CLEC5A: variants seen among roughly 807,000 people sequenced by gnomAD.
CLEC5A encodes C-type lectin domain family 5 member A.
CLEC5A carries 15 observed loss-of-function variants against 24.4 expected under a neutral mutation model. The observed-to-expected ratio is 0.62, with a 90% confidence interval of 0.41 to 0.95. The LOEUF is 0.95. Among genes scored for constraint, CLEC5A ranks in the 40% least tolerant of loss-of-function variants. The probability of loss-of-function intolerance (pLI) is 0.00; values close to 1 mark genes in which losing one functional copy is unlikely to be tolerated. For missense variants in CLEC5A, 211 were observed against 224.0 expected, an observed-to-expected ratio of 0.94 and a Z score of 0.37; for synonymous variants, 71 against 72.6, an observed-to-expected ratio of 0.98 and a Z score of 0.11.
chr7:141,931,901 ATCTG>A, intron 5 of CLEC5A, 75 bp from the exon 6 acceptor site: 1 of 675,944 alleles, frequency 1.5e-6, no homozygotes, highest in Non-Finnish European at 2.6e-6. Flanking sequence ...CCATGATTAT[ATCTG>A]ATCCTGGGAA....
chr7:141,935,648 A>G (rs1245691209), intron 5 of CLEC5A, among the ~76,000 whole-genome samples, 166 bp downstream of exon 5: 1 of 152,190 alleles, frequency 6.6e-6, no homozygotes, highest in Non-Finnish European at 1.5e-5. Flanking sequence ...GCTACTAAGA[A>G]GAATCTCCTA....
chr7:141,936,877 A>G (rs1486331838), intron 4 of CLEC5A, among the ~76,000 whole-genome samples: 1 of 152,006 alleles, frequency 6.6e-6, no homozygotes, highest in African/African-American at 2.4e-5. Flanking sequence ...AGAATAGGGC[A>G]CTAGTCAGAG....
chr7:141,929,893 A>C lies in CLEC5A; in HGVS notation c.*211T>G, dbSNP rs946997423. 1.3e-4 allele frequency: 70 copies of C among 542,984 alleles called. No individual in the cohort carries two copies. Among genetic ancestry groups the C allele is most frequent in the Non-Finnish European group, 2.2e-4 (67 of 303,208 alleles). 33.6% of individuals were successfully genotyped at this position (542,984 alleles called of 1,614,324 possible). A position where few individuals can be genotyped will look rare whatever the true frequency, so the allele number is the denominator to read the frequency against. The stretch of plus-strand genomic sequence containing the variant: ...TACTACAGAAGCGGACCTCATCTCT[A>C]TACTAACTGAGTTGTTTCCGTAAAA... On this transcript the variant is annotated 3_prime_UTR_variant, in exon 7 of 7. Transcript: ENST00000546910.
At chr7:141,930,449 C>A (rs979670572) in intron 6 of CLEC5A, among the ~76,000 whole-genome samples, 25 of 152,212 alleles carry the variant, frequency 1.6e-4, no homozygotes, top group African/African-American at 6.0e-4. Flanking sequence ...TAAACCCACC[C>A]TTTCCTGTCA....
chr7:141,935,971 A>C, intron 4 of CLEC5A, 21 bp from the exon 5 acceptor site: 1 of 1,607,904 alleles, frequency 6.2e-7, no homozygotes, highest in South Asian at 1.1e-5. Context: ...CCAAGAAAGG[A>C]GAGTACGAGT....
intron 6 of CLEC5A, among the ~76,000 whole-genome samples, chr7:141,930,632 C>A (rs1802431686): frequency 6.6e-6 from 1 of 152,184 alleles, no homozygotes; most frequent in Admixed American, 6.5e-5. Flanking sequence ...GCATCCCTTT[C>A]CAGACCATAG....
Position 141,930,227 on chromosome 7 carries a change from G to GAAAAC in CLEC5A, c.453-14_453-10dup, listed in dbSNP as rs782517317. ...GATTCTGATTGGTAACACTAAATGA[G>GAAAAC]AAAACAAAACAAAACAAAACAAACA... is the stretch of plus-strand genomic sequence containing the variant. On this transcript the variant is annotated splice_polypyrimidine_tract_variant and intron_variant, in intron 6 of 6. Coordinates refer to ENST00000546910, the MANE Select transcript of CLEC5A (RefSeq NM_013252.3). 236 of 1,596,326 alleles carry GAAAAC rather than the reference G, an allele frequency of 1.5e-4. No individual in the cohort carries two copies. The African/African-American group carries it at 1.9e-3, about 13-fold the overall frequency.
chr7:141,944,792 C>T (rs1207498209), intron 3 of CLEC5A, among the ~76,000 whole-genome samples: 2 of 152,160 alleles, frequency 1.3e-5, no homozygotes, highest in African/African-American at 4.8e-5. Flanking sequence ...CGTTTATAGA[C>T]TCTAAGATGT....
intron 4 of CLEC5A, among the ~76,000 whole-genome samples, chr7:141,938,328 A>G (rs1802690030): frequency 6.6e-6 from 1 of 152,192 alleles, no homozygotes; most frequent in Non-Finnish European, 1.5e-5. Flanking sequence ...GATAGAAATA[A>G]TTAAGAAGGA....
At position 141,928,625 on chromosome 7, in the gene CLEC5A, A is replaced by T. The variant is rs1802365336; in HGVS notation, c.*1479T>A. 6.6e-6 allele frequency: 1 copy of T among 152,200 alleles called. No homozygotes were observed. Among genetic ancestry groups the T allele is most frequent in the Non-Finnish European group, 1.5e-5 (1 of 68,034 alleles). 9.4% of individuals were successfully genotyped at this position (152,200 alleles called of 1,614,324 possible). A position where few individuals can be genotyped will look rare whatever the true frequency, so the allele number is the denominator to read the frequency against. On this transcript the variant is annotated 3_prime_UTR_variant, in exon 7 of 7. Transcript: ENST00000546910. ...GTTCTGACACCTGATGTGTTATCTCATGTTAAAAAATTGTAAGTGGCCATG... is the reference window on the plus strand; with the variant it reads ...GTTCTGACACCTGATGTGTTATCTCTTGTTAAAAAATTGTAAGTGGCCATG...
chr7:141,941,977 C>A (rs1802806340), intron 4 of CLEC5A, among the ~76,000 whole-genome samples: 1 of 151,974 alleles, frequency 6.6e-6, no homozygotes, highest in African/African-American at 2.4e-5. Flanking sequence ...TTGGAAGAAT[C>A]AATATTGTTA....
intron 6 of CLEC5A, among the ~76,000 whole-genome samples, chr7:141,930,723 G>T (rs1392833740): frequency 6.6e-6 from 1 of 152,216 alleles, no homozygotes; most frequent in Non-Finnish European, 1.5e-5. Flanking sequence ...CAGTCTGACT[G>T]AAAAGGCTCT....
Position 141,927,744 on chromosome 7 carries a change from T to G in CLEC5A, c.*2360A>C. On this transcript the variant is annotated 3_prime_UTR_variant, in exon 7 of 7. Coordinates refer to ENST00000546910, the MANE Select transcript of CLEC5A (RefSeq NM_013252.3). ...TGCACAAATTTTTATTCCCATATTATAAATGAGTAAACAAGTTCTGAAAAA... is the reference window on the plus strand; with the variant it reads ...TGCACAAATTTTTATTCCCATATTAGAAATGAGTAAACAAGTTCTGAAAAA... The G allele has an allele frequency of 6.6e-6, 1 of 152,202 alleles. No individual in the cohort carries two copies. The highest frequency in any genetic ancestry group is 6.5e-5 in the Admixed American group (1 of 15,280). 9.4% of individuals were successfully genotyped at this position (152,202 alleles called of 1,614,324 possible).
At position 141,933,575 on chromosome 7, in the gene CLEC5A, C is replaced by CATAT. The variant is rs3043785; in HGVS notation, c.346-1753_346-1750dup. Among the ~76,000 whole-genome samples, 999 of 114,990 alleles carry CATAT rather than the reference C, an allele frequency of 8.7e-3. 12 individuals carry two copies. Among genetic ancestry groups the CATAT allele is most frequent in the African/African-American group, 0.013 (311 of 24,008 alleles). 75.4% of individuals were successfully genotyped at this position (114,990 alleles called of 152,430 possible). On this transcript the variant is annotated intron_variant, in intron 5 of 6. Coordinates refer to ENST00000546910, the MANE Select transcript of CLEC5A (RefSeq NM_013252.3). ...TGACTCAGCGAGTTTAGGGAGCAGGCATATATATATATATATATATATATA... is the reference window on the plus strand; with the variant it reads ...TGACTCAGCGAGTTTAGGGAGCAGGCATATATATATATATATATATATATATATA...
chr7:141,944,952 G>A (rs1275011908), intron 3 of CLEC5A, among the ~76,000 whole-genome samples: 1 of 152,138 alleles, frequency 6.6e-6, no homozygotes, highest in East Asian at 1.9e-4. Context: ...TCCTAACGAT[G>A]TCAGTAGTAA....
chr7:141,934,412 A>G (rs1563074155), intron 5 of CLEC5A, among the ~76,000 whole-genome samples: 4 of 152,156 alleles, frequency 2.6e-5, no homozygotes, highest in Non-Finnish European at 4.4e-5. Flanking sequence ...ATGAGTACTC[A>G]CCAGTATTTG....
intron 5 of CLEC5A, among the ~76,000 whole-genome samples, chr7:141,933,695 C>T (rs1363656319): frequency 2.0e-5 from 3 of 150,540 alleles, no homozygotes; most frequent in African/African-American, 7.4e-5. Flanking sequence ...ATTGACCTGC[C>T]GATGCTGTGC....
intron 5 of CLEC5A, 21 bp downstream of exon 5, chr7:141,935,793 G>C (rs1802601188): frequency 1.2e-6 from 2 of 1,612,652 alleles, no homozygotes; most frequent in African/African-American, 1.3e-5. Context: ...TGGCTTTACT[G>C]TACCATTCCA....
At chr7:141,938,798 A>G (rs1232683035) in intron 4 of CLEC5A, among the ~76,000 whole-genome samples, 1 of 152,164 alleles carries the variant, frequency 6.6e-6, no homozygotes, top group East Asian at 1.9e-4. Context: ...GCAGACCCAC[A>G]GCGTTACTGG....
Sources: allele counts gnomAD v4.1 joint callset (sites outside exome capture counted in the v4.1 genomes callset), GRCh38; gene constraint gnomAD v4.1.1; transcripts MANE v1.5; gene names NCBI Gene and HGNC (gene_info 2026-07-23, HGNC 2026-07-21).